The following ATP8B2 variants were observed in gnomAD, a reference collection of about 807,000 sequenced individuals.
ATP8B2 encodes the protein phospholipid-transporting ATPase ID.
In ATP8B2, 70 loss-of-function variants were observed where a neutral mutation model predicts 133.4. The observed-to-expected ratio is 0.52, with a 90% CI of 0.43 to 0.64. The LOEUF (loss-of-function observed/expected upper bound fraction) is 0.64. Among genes scored for constraint, ATP8B2 ranks in the 30% least tolerant of loss-of-function variants. The probability of loss-of-function intolerance (pLI) is 0.00; values close to 1 mark genes in which losing one functional copy is unlikely to be tolerated. For synonymous variants in ATP8B2, 517 were observed against 589.5 expected, an observed-to-expected ratio of 0.88 and a Z score of 1.78; for missense variants, 1,101 against 1,535.7, an observed-to-expected ratio of 0.72 and a Z score of 4.73.
Position 154,338,066 on chromosome 1 carries a change from G to A in ATP8B2, c.1034+522G>A, listed in dbSNP as rs543036441. ...ACAGTGTCAGACTGAGATACCATGT[G>A]GGAGGCACAGGGTGCCCGGGGACTG... On this transcript the variant is annotated intron_variant, in intron 12 of 27. Coordinates refer to ENST00000368489, the MANE Select transcript of ATP8B2 (RefSeq NM_001370597.1). Among the ~76,000 whole-genome samples, 8 of 152,352 alleles carry A rather than the reference G, an allele frequency of 5.3e-5. No homozygotes were observed. The South Asian group carries it at 1.7e-3, about 32-fold the overall frequency.
Position 154,349,142 on chromosome 1 carries a change from C to T in ATP8B2, c.*24C>T, listed in dbSNP as rs748934716. The T allele has an allele frequency of 1.9e-4, 306 of 1,605,076 alleles. No individual in the cohort carries two copies. The highest frequency in any genetic ancestry group is 2.4e-4 in the Non-Finnish European group (276 of 1,174,046). On this transcript the variant is annotated 3_prime_UTR_variant, in exon 28 of 28. Transcript: ENST00000368489. ...GAAGGCCGAGGATGGATGCCCTGTG[C>T]CAGTGACCAGAGCACCCAGGGCTGG...
chr1:154,327,776 A>G (rs371658846), intron 1 of ATP8B2: 6 of 1,609,472 alleles, frequency 3.7e-6, no homozygotes, highest in Admixed American at 1.7e-5. Flanking sequence ...GCCAGAACAC[A>G]TGAGAGCCTC....
Position 154,345,305 on chromosome 1 carries a change from A to G in ATP8B2, c.2471-17A>G. ...CGGTGGCCATCTTCACCCTCTTGTCATCTCTTGTCTCTGCAGCGGCTCACA... is the reference window on the plus strand; with the variant it reads ...CGGTGGCCATCTTCACCCTCTTGTCGTCTCTTGTCTCTGCAGCGGCTCACA... On this transcript the variant is annotated splice_polypyrimidine_tract_variant and intron_variant, in intron 22 of 27. Coordinates refer to ENST00000368489, the MANE Select transcript of ATP8B2 (RefSeq NM_001370597.1). This position sits in a 1 kb window ranked among gnomAD's most constrained non-coding sequence, Gnocchi z 5.6. The G allele has an allele frequency of 6.2e-7, 1 of 1,613,310 alleles. No individual in the cohort carries two copies. Among genetic ancestry groups the G allele is most frequent in the Non-Finnish European group, 8.5e-7 (1 of 1,179,746 alleles).
At chr1:154,330,048 T>C (rs1685928645) in intron 2 of ATP8B2, among the ~76,000 whole-genome samples, 1 of 152,180 alleles carries the variant, frequency 6.6e-6, no homozygotes, top group Non-Finnish European at 1.5e-5. Context: ...TGACAATGTA[T>C]GCATTAGTAA....
intron 8 of ATP8B2, 119 bp from the exon 9 acceptor site, chr1:154,332,499 A>T: frequency 1.3e-6 from 1 of 758,554 alleles, no homozygotes; most frequent in Non-Finnish European, 2.2e-6. Flanking sequence ...TCGAGGCTTT[A>T]GTGAGCTATG....
At chr1:154,339,429 A>G (rs1428736157) in intron 12 of ATP8B2, among the ~76,000 whole-genome samples, 1 of 152,192 alleles carries the variant, frequency 6.6e-6, no homozygotes, top group Non-Finnish European at 1.5e-5. Context: ...TACATTTTAA[A>G]CTTAAGTGAC....
Position 154,349,186 on chromosome 1 carries a change from G to A in ATP8B2, c.*68G>A, listed in dbSNP as rs1686704910. 6.4e-7 allele frequency: 1 copy of A among 1,551,768 alleles called. No individual in the cohort carries two copies. The highest frequency in any genetic ancestry group is 1.8e-5 in the Admixed American group (1 of 54,230). The stretch of plus-strand genomic sequence containing the variant: ...GGGCTGGCCAGTCACTGAGGGAACA[G>A]CGTCTCGGAACTGCTGGTCCTCATT... On this transcript the variant is annotated 3_prime_UTR_variant, in exon 28 of 28. Coordinates refer to ENST00000368489, the MANE Select transcript of ATP8B2 (RefSeq NM_001370597.1).
chr1:154,340,805 C>T lies in ATP8B2; in HGVS notation c.1035-49C>T. 1.9e-6 allele frequency: 3 copies of T among 1,575,032 alleles called. No homozygotes were observed. In the South Asian group the frequency reaches 3.3e-5, roughly 17 times the overall value. On this transcript the variant is annotated intron_variant, in intron 12 of 27. Coordinates refer to ENST00000368489, the MANE Select transcript of ATP8B2 (RefSeq NM_001370597.1). The surrounding 1 kb of genome is among the most constrained non-coding windows in gnomAD (Gnocchi z 4.0). ...GCAGCGAAGGCCCATGTGGGTGGGG[C>T]ACCTCCTCTTCTTCCCGACCCAAGC...
At chr1:154,337,326 T>G (rs370245426) in intron 11 of ATP8B2, 22 bp from the exon 12 acceptor site, 21 of 1,603,088 alleles carry the variant, frequency 1.3e-5, no homozygotes, top group Admixed American at 8.4e-5. Context: ...CAGCCTCGCC[T>G]GTGCTTCTCA....
chr1:154,342,704 C>A (rs1414935712), intron 14 of ATP8B2, 92 bp from the exon 15 acceptor site: 1 of 1,507,272 alleles, frequency 6.6e-7, no homozygotes, highest in African/African-American at 1.4e-5. Flanking sequence ...TGGACAGGAG[C>A]CTACTGAGAG....
intron 13 of ATP8B2, among the ~76,000 whole-genome samples, chr1:154,341,953 C>T (rs1157877490): frequency 1.3e-5 from 2 of 152,088 alleles, no homozygotes; most frequent in African/African-American, 2.4e-5. Flanking sequence ...TAGACTCTCC[C>T]CTGTTGCTGC....
At position 154,346,868 on chromosome 1, in the gene ATP8B2, G is replaced by GT; in HGVS notation, c.3163+113dup. On this transcript the variant is annotated intron_variant, in intron 26 of 27. Transcript: ENST00000368489. This position sits in a 1 kb window ranked among gnomAD's most constrained non-coding sequence, Gnocchi z 4.5. ...ACATTTCTTATGTGCCAAGTATTCT[G>GT]TTTATTTTATTTATTTATTTATTTA... is the stretch of plus-strand genomic sequence containing the variant. The GT allele has an allele frequency of 8.9e-7, 1 of 1,121,500 alleles. No homozygotes were observed. Among genetic ancestry groups the GT allele is most frequent in the Non-Finnish European group, 1.2e-6 (1 of 808,064 alleles). The allele number at this position is 1,121,500 out of a possible 1,614,324, so 69.5% of individuals were successfully genotyped here.
chr1:154,343,393 G>C lies in ATP8B2; in HGVS notation c.1643-60G>C. 6.2e-7 allele frequency: 1 copy of C among 1,605,646 alleles called. No individual in the cohort carries two copies. Among genetic ancestry groups the C allele is most frequent in the Non-Finnish European group, 8.5e-7 (1 of 1,173,730 alleles). ...GCCGGGTGACTCTTGATGTGTTTATGTTGGGGGTCTTTGCCTGTCTGAATT... is the reference window on the plus strand; with the variant it reads ...GCCGGGTGACTCTTGATGTGTTTATCTTGGGGGTCTTTGCCTGTCTGAATT... On this transcript the variant is annotated intron_variant, in intron 16 of 27. Coordinates refer to ENST00000368489, the MANE Select transcript of ATP8B2 (RefSeq NM_001370597.1). The surrounding 1 kb of genome is among the most constrained non-coding windows in gnomAD (Gnocchi z 5.8).
In ATP8B2 at chr1:154,325,582, AGCGGGGCCGCAGCTGGGGGG is replaced by A. The variant is rs1685757084; in HGVS notation, c.-152_-133del. 6.6e-6 allele frequency: 1 copy of A among 151,182 alleles called. No individual in the cohort carries two copies. The highest frequency in any genetic ancestry group is 1.5e-5 in the Non-Finnish European group (1 of 67,768). 9.4% of individuals were successfully genotyped at this position (151,182 alleles called of 1,614,324 possible). A position where few individuals can be genotyped will look rare whatever the true frequency, so the allele number is the denominator to read the frequency against. On this transcript the variant is annotated 5_prime_UTR_variant, in exon 1 of 28. Transcript: ENST00000368489. Reference sequence around the variant, plus strand: ...AAGTAGCGGGCCGAGGCCCCGGGGGAGCGGGGCCGCAGCTGGGGGGGCGGGAGCCCGTGGGGAGCCGAGCC... The same window carrying A: ...AAGTAGCGGGCCGAGGCCCCGGGGGAGCGGGAGCCCGTGGGGAGCCGAGCC...
chr1:154,333,011 T>A (rs919879649), intron 9 of ATP8B2, among the ~76,000 whole-genome samples: 2 of 152,032 alleles, frequency 1.3e-5, no homozygotes, highest in Admixed American at 6.6e-5. Flanking sequence ...ACAGAGTGTA[T>A]AAGAAAAAGT....
At position 154,340,829 on chromosome 1, in the gene ATP8B2, G is replaced by A; in HGVS notation, c.1035-25G>A. On this transcript the variant is annotated intron_variant, in intron 12 of 27. Transcript: ENST00000368489. This position sits in a 1 kb window ranked among gnomAD's most constrained non-coding sequence, Gnocchi z 4.0. Reference sequence around the variant, plus strand: ...GCACCTCCTCTTCTTCCCGACCCAAGCCTCACCTCTTGTCCCCTGTGCAGT... The same window carrying A: ...GCACCTCCTCTTCTTCCCGACCCAAACCTCACCTCTTGTCCCCTGTGCAGT... 6.2e-7 allele frequency: 1 copy of A among 1,611,678 alleles called. No individual in the cohort carries two copies. The highest frequency in any genetic ancestry group is 8.5e-7 in the Non-Finnish European group (1 of 1,178,060).
Position 154,349,233 on chromosome 1 carries a change from T to A in ATP8B2, c.*115T>A. The A allele has an allele frequency of 7.4e-7, 1 of 1,342,616 alleles. No individual in the cohort carries two copies. The highest frequency in any genetic ancestry group is 1.0e-6 in the Non-Finnish European group (1 of 984,824). The allele number at this position is 1,342,616 out of a possible 1,614,324, so 83.2% of individuals were successfully genotyped here. A position where few individuals can be genotyped will look rare whatever the true frequency, so the allele number is the denominator to read the frequency against. On this transcript the variant is annotated 3_prime_UTR_variant, in exon 28 of 28. Transcript: ENST00000368489. ...CATTCCTTGCTTCCCGTCCCCCCGG[T>A]AGACTCTGTCCTGCTGGTCCCACCA...
At position 154,331,668 on chromosome 1, in the gene ATP8B2, A is replaced by T. The variant is rs1371749328; in HGVS notation, c.428A>T (p.Gln143Leu). The T allele has an allele frequency of 6.2e-7, 1 of 1,614,124 alleles. No homozygotes were observed. The highest frequency in any genetic ancestry group is 8.5e-7 in the Non-Finnish European group (1 of 1,179,968). Residue 143 changes from glutamine to leucine, a missense_variant, in exon 7 of 28, where the codon CAG (glutamine) becomes CTG (leucine). Coordinates refer to ENST00000368489, the MANE Select transcript of ATP8B2 (RefSeq NM_001370597.1). This position sits in a 1 kb window ranked among gnomAD's most constrained non-coding sequence, Gnocchi z 4.8. ...GATATTATCAAGCTAGAAAATAACC[A>T]GTTTGTGGCGGTAAGGGACAGGGTA... ...VGDIIKLENN[Q>L]FVAADLLLLS...
Position 154,334,665 on chromosome 1 carries a change from C to T in ATP8B2, c.837+74C>T. On this transcript the variant is annotated intron_variant, in intron 11 of 27. Transcript: ENST00000368489. This position sits in a 1 kb window ranked among gnomAD's most constrained non-coding sequence, Gnocchi z 4.6. The stretch of plus-strand genomic sequence containing the variant: ...GGGTGCTCCTTTTCCTTTCCTCTTT[C>T]TTCTTTGGTCAGTAGACTTCAGGTT... The T allele has an allele frequency of 3.8e-6, 5 of 1,327,068 alleles. No individual in the cohort carries two copies. The highest frequency in any genetic ancestry group is 5.3e-6 in the Non-Finnish European group (5 of 936,118). The allele number at this position is 1,327,068 out of a possible 1,614,324, so 82.2% of individuals were successfully genotyped here. A position where few individuals can be genotyped will look rare whatever the true frequency, so the allele number is the denominator to read the frequency against.
Sources: gnomAD v4.1 joint callset for allele counts (sites outside exome capture counted in the v4.1 genomes callset) on GRCh38, gnomAD v4.1.1 for gene constraint, Gnocchi (gnomAD v3.1) non-coding constraint, MANE v1.5 for transcripts, NCBI Gene and HGNC (gene_info 2026-07-23, HGNC 2026-07-21) for gene names.